Variants in CNTN4 observed in about 807,000 individuals in gnomAD.
The protein encoded by CNTN4 is contactin 4, also known as contactin-4.
In CNTN4, 77 loss-of-function variants were observed where a neutral mutation model predicts 122.5. That is an observed-to-expected ratio of 0.63 (90% CI 0.52 to 0.76). The LOEUF is 0.76. Ranked by LOEUF, CNTN4 falls within the 30% of genes least tolerant of loss-of-function variation. CNTN4 has a pLI of 0.00. For synonymous variants in CNTN4, 512 were observed against 447.0 expected (o/e 1.15, Z -1.83); for missense variants, 1,256 against 1,259.1 (o/e 1.00, Z 0.04).
At chr3:2,989,665 C>G (rs1694888742) in intron 14 of CNTN4, among the ~76,000 whole-genome samples, 2 of 152,158 alleles carry the variant, frequency 1.3e-5, no homozygotes, top group African/African-American at 4.8e-5. Flanking sequence ...TTGATTACAA[C>G]TATTTCAGTC....
chr3:3,042,052 C>T (rs1456919245), intron 20 of CNTN4, among the ~76,000 whole-genome samples: 1 of 152,184 alleles, frequency 6.6e-6, no homozygotes, highest in Non-Finnish European at 1.5e-5. Flanking sequence ...GAATTGCTGG[C>T]TATGAAAACT....
intron 2 of CNTN4, among the ~76,000 whole-genome samples, chr3:2,241,360 C>A (rs748613763): frequency 3.9e-5 from 6 of 152,096 alleles, no homozygotes; most frequent in Non-Finnish European, 8.8e-5. Context: ...AGTGTTCCCA[C>A]GATTATTTCT....
intron 13 of CNTN4, among the ~76,000 whole-genome samples, chr3:2,944,397 G>C (rs1376798839): frequency 6.6e-6 from 1 of 152,000 alleles, no homozygotes; most frequent in African/African-American, 2.4e-5. Context: ...CCTTGAACTG[G>C]CTCCTCCTCC....
At chr3:2,846,680 G>A (rs961796354) in intron 7 of CNTN4, among the ~76,000 whole-genome samples, 1 of 152,174 alleles carries the variant, frequency 6.6e-6, no homozygotes, top group African/African-American at 2.4e-5. Flanking sequence ...TAGCTGTTGA[G>A]TTGTACACTG....
intron 4 of CNTN4, among the ~76,000 whole-genome samples, chr3:2,702,942 G>A (rs560858219): frequency 6.6e-6 from 1 of 152,200 alleles, no homozygotes; most frequent in Non-Finnish European, 1.5e-5. Context: ...GTAAGACCCA[G>A]TTATCTTGGT....
At chr3:2,644,177 GA>G (rs1302685228) in intron 4 of CNTN4, among the ~76,000 whole-genome samples, 1 of 152,162 alleles carries the variant, frequency 6.6e-6, no homozygotes, top group Non-Finnish European at 1.5e-5. Flanking sequence ...GGCAGATAAG[GA>G]AGCCCCTACA....
chr3:2,513,206 C>T lies in CNTN4; in HGVS notation c.-88-58210C>T, dbSNP rs2076940812. Among the ~76,000 whole-genome samples, 7 of 152,276 alleles carry T rather than the reference C, an allele frequency of 4.6e-5. No individual in the cohort carries two copies. In the South Asian group the frequency reaches 1.5e-3, roughly 32 times the overall value. ...AAGTAACGGCAAGTGGTTTTGATGG[C>T]TATATGGTCCCTAAACAAAAGGCTG... On this transcript the variant is annotated intron_variant, in intron 3 of 24. Transcript: ENST00000418658.
chr3:3,041,089 G>C (rs1405506596), intron 20 of CNTN4: 1 of 152,144 alleles, frequency 6.6e-6, no homozygotes, highest in Non-Finnish European at 1.5e-5. Context: ...CACAGTCTTC[G>C]TTACCTTTGG....
chr3:2,799,215 G>A (rs959610964), intron 6 of CNTN4, among the ~76,000 whole-genome samples: 31 of 152,104 alleles, frequency 2.0e-4, no homozygotes, highest in Non-Finnish European at 3.7e-4. Flanking sequence ...GTTGGGTTAA[G>A]CTCCTTGAAG....
At position 2,182,313 on chromosome 3, in the gene CNTN4, T is replaced by C. The variant is rs566484797; in HGVS notation, c.-145+81674T>C. ...CCCCACACACATATACACATATATA[T>C]CTATCCTTGGATATCCAAAAAAAGA... On this transcript the variant is annotated intron_variant, in intron 2 of 24. Coordinates refer to ENST00000418658, the MANE Select transcript of CNTN4 (RefSeq NM_175607.3). Among the ~76,000 whole-genome samples, 8 of 152,084 alleles carry C rather than the reference T, an allele frequency of 5.3e-5. No homozygotes were observed. In the South Asian group the frequency reaches 1.7e-3, roughly 32 times the overall value.
intron 3 of CNTN4, among the ~76,000 whole-genome samples, 191 bp downstream of exon 3, chr3:2,339,424 G>C (rs1427475850): frequency 2.6e-5 from 4 of 152,124 alleles, no homozygotes; most frequent in Non-Finnish European, 4.4e-5. Flanking sequence ...CTAAGAAATA[G>C]GGACTATTTA....
rs543580319 is a variant in CNTN4 at position 2,638,176 on chromosome 3, A to G, written c.55+66618A>G. Among the ~76,000 whole-genome samples, 13 of 152,248 alleles carry G rather than the reference A, an allele frequency of 8.5e-5. No individual in the cohort carries two copies. In the East Asian group the frequency reaches 1.5e-3, roughly 18 times the overall value. On this transcript the variant is annotated intron_variant, in intron 4 of 24. Transcript: ENST00000418658. ...TGGAAAAATTTTTCCATTAACTTCT[A>G]CCTTAATGCCCATTCTCACATGGCT...
At chr3:2,993,037 T>C (rs960162778) in intron 14 of CNTN4, among the ~76,000 whole-genome samples, 3 of 152,096 alleles carry the variant, frequency 2.0e-5, no homozygotes, top group African/African-American at 7.2e-5. Context: ...TTTTCAGGGG[T>C]TTCACACTAT....
intron 4 of CNTN4, among the ~76,000 whole-genome samples, chr3:2,644,687 C>A (rs1392549828): frequency 6.7e-6 from 1 of 149,576 alleles, no homozygotes; most frequent in East Asian, 2.0e-4. Context: ...ATAGAGGAGT[C>A]ACAGAAACTA....
At position 2,840,685 on chromosome 3, in the gene CNTN4, C is replaced by T. The variant is rs1181811229; in HGVS notation, c.454+21104C>T. On this transcript the variant is annotated intron_variant, in intron 7 of 24. Transcript: ENST00000418658. ...CTGCACTCCAGCCTGGGCGACAGAG[C>T]GACACTCCGTCTCCAAAAAATAAAA... Among the ~76,000 whole-genome samples, 6 of 149,524 alleles carry T rather than the reference C, an allele frequency of 4.0e-5. No homozygotes were observed. The South Asian group carries it at 6.5e-4, about 16-fold the overall frequency.
chr3:2,960,274 A>C (rs982838919), intron 13 of CNTN4, among the ~76,000 whole-genome samples: 1 of 152,214 alleles, frequency 6.6e-6, no homozygotes, highest in Admixed American at 6.5e-5. Flanking sequence ...ATATGTAATA[A>C]TGACTAATGC....
intron 3 of CNTN4, among the ~76,000 whole-genome samples, chr3:2,402,380 C>T (rs2046888608): frequency 6.6e-6 from 1 of 152,028 alleles, no homozygotes; most frequent in Non-Finnish European, 1.5e-5. Context: ...TCTTTTCCTC[C>T]TCCATCTCTG....
At chr3:2,228,857 G>A (rs571467917) in intron 2 of CNTN4, among the ~76,000 whole-genome samples, 33 of 152,150 alleles carry the variant, frequency 2.2e-4, no homozygotes, top group African/African-American at 7.7e-4. Flanking sequence ...ATTTGATGGT[G>A]GTTATTCTAG....
chr3:2,127,822 C>G (rs1489387646), intron 2 of CNTN4, among the ~76,000 whole-genome samples: 2 of 152,162 alleles, frequency 1.3e-5, no homozygotes, highest in African/African-American at 2.4e-5. Context: ...ACCTTTAAGT[C>G]ATGCACCAAA....
Sources: gnomAD v4.1 joint callset for allele counts (sites outside exome capture counted in the v4.1 genomes callset) on GRCh38, gnomAD v4.1.1 for gene constraint, MANE v1.5 for transcripts, NCBI Gene and HGNC (gene_info 2026-07-23, HGNC 2026-07-21) for gene names.